Variants in CPEB3 observed in about 807,000 individuals in gnomAD.
CPEB3 encodes the protein cytoplasmic polyadenylation element binding protein 3, also known as cytoplasmic polyadenylation element-binding protein 3.
Under a neutral mutation model 67.2 loss-of-function variants are expected in CPEB3, and 20 were observed. That is an observed-to-expected ratio of 0.30 (90% CI 0.21 to 0.43). CPEB3 has a LOEUF of 0.43. CPEB3 is among the 20% of genes least tolerant of loss of function. The pLI, the probability that CPEB3 is intolerant of heterozygous loss-of-function variation, is 1.00. For missense variants in CPEB3, 746 were observed against 968.6 expected (o/e 0.77, Z 3.05); for synonymous variants, 376 against 393.1 (o/e 0.96, Z 0.51).
At chr10:92,260,539 A>G (rs1250606837) in intron 1 of CPEB3, among the ~76,000 whole-genome samples, 3 of 149,076 alleles carry the variant, frequency 2.0e-5, no homozygotes, top group African/African-American at 5.1e-5. Flanking sequence ...CAACAAGAGC[A>G]AAACTCCTTC....
At chr10:92,280,267 C>G (rs1416070254) in intron 1 of CPEB3, among the ~76,000 whole-genome samples, 1 of 142,312 alleles carries the variant, frequency 7.0e-6, no homozygotes, top group African/African-American at 2.7e-5. Context: ...ATCACTTGAA[C>G]CCAGGGCAGA....
intron 7 of CPEB3, among the ~76,000 whole-genome samples, chr10:92,100,276 G>A (rs866504676): frequency 4.6e-5 from 7 of 151,174 alleles, no homozygotes; most frequent in African/African-American, 1.7e-4. Flanking sequence ...GTTTTTTTTT[G>A]TTTGTTTGTT....
intron 1 of CPEB3, among the ~76,000 whole-genome samples, chr10:92,278,367 G>A (rs1842091347): frequency 6.6e-6 from 1 of 152,064 alleles, no homozygotes; most frequent in Non-Finnish European, 1.5e-5. Flanking sequence ...TAATGAACAT[G>A]AGATTCTTTC....
chr10:92,129,918 G>A (rs1196991745), intron 6 of CPEB3, among the ~76,000 whole-genome samples: 1 of 152,056 alleles, frequency 6.6e-6, no homozygotes, highest in African/African-American at 2.4e-5. Flanking sequence ...ATGGTAGTGA[G>A]TGCAGCTACT....
intron 2 of CPEB3, among the ~76,000 whole-genome samples, chr10:92,220,729 A>G (rs912735346): frequency 2.0e-5 from 3 of 152,236 alleles, no homozygotes; most frequent in African/African-American, 4.8e-5. Context: ...GATGTTAAAC[A>G]TCTTAAACAA....
chr10:92,063,883 G>C (rs1842452710), intron 9 of CPEB3, among the ~76,000 whole-genome samples: 1 of 152,000 alleles, frequency 6.6e-6, no homozygotes, highest in South Asian at 2.1e-4. Flanking sequence ...TAGACAAGCT[G>C]GAAAAAGAAG....
intron 1 of CPEB3, among the ~76,000 whole-genome samples, chr10:92,253,569 G>A (rs1852398645): frequency 6.7e-6 from 1 of 150,020 alleles, no homozygotes; most frequent in African/African-American, 2.5e-5. Flanking sequence ...CTTCCATAAA[G>A]TTTACAAAAA....
chr10:92,204,798 T>C (rs891472831), intron 2 of CPEB3, among the ~76,000 whole-genome samples: 4 of 150,866 alleles, frequency 2.7e-5, no homozygotes, highest in African/African-American at 4.9e-5. Flanking sequence ...ATAAACATAA[T>C]AGAATATTGT....
At chr10:92,112,273 T>G (rs1191910140) in intron 6 of CPEB3, among the ~76,000 whole-genome samples, 1 of 151,796 alleles carries the variant, frequency 6.6e-6, no homozygotes, top group Non-Finnish European at 1.5e-5. Context: ...GCCTCCCAAG[T>G]AGCTGGGATT....
chr10:92,164,182 CA>C (rs1308840138), intron 4 of CPEB3, among the ~76,000 whole-genome samples: 1 of 152,142 alleles, frequency 6.6e-6, no homozygotes, highest in East Asian at 1.9e-4. Context: ...TATCATTATA[CA>C]CATTTCCAGA....
chr10:92,154,061 A>G (rs1263866495), intron 4 of CPEB3, among the ~76,000 whole-genome samples: 3 of 152,248 alleles, frequency 2.0e-5, no homozygotes, highest in Non-Finnish European at 2.9e-5. Flanking sequence ...CTACTTATGG[A>G]CAATAGTTTC....
intron 2 of CPEB3, chr10:92,216,452 C>T (rs2134395943): frequency 4.3e-6 from 7 of 1,612,844 alleles, no homozygotes; most frequent in Non-Finnish European, 2.5e-6. Flanking sequence ...CCTGGCTTCT[C>T]GCCGCCTCAA....
chr10:92,184,809 A>G (rs1403832256), intron 3 of CPEB3, among the ~76,000 whole-genome samples: 2 of 152,200 alleles, frequency 1.3e-5, no homozygotes, highest in African/African-American at 4.8e-5. Context: ...ATTGGAGAAA[A>G]ATCACATAAT....
intron 1 of CPEB3, among the ~76,000 whole-genome samples, chr10:92,273,692 C>T (rs1025963871): frequency 6.6e-6 from 1 of 152,134 alleles, no homozygotes; most frequent in Non-Finnish European, 1.5e-5. Context: ...ATCAGATTGA[C>T]AAAAATTAAT....
chr10:92,243,667 C>T (rs1185294931), intron 1 of CPEB3, among the ~76,000 whole-genome samples: 2 of 152,128 alleles, frequency 1.3e-5, no homozygotes, highest in African/African-American at 4.8e-5. Context: ...GGGGGAACTA[C>T]TGGAGAATGT....
chr10:92,150,794 TAAGC>T (rs1415620212), intron 4 of CPEB3, among the ~76,000 whole-genome samples: 83 of 152,328 alleles, frequency 5.4e-4, no homozygotes, highest in African/African-American at 1.8e-3. Flanking sequence ...CAAAATGTGT[TAAGC>T]AAGCCACATT....
At chr10:92,216,049 A>T (rs1251695435) in intron 2 of CPEB3, among the ~76,000 whole-genome samples, 6 of 138,314 alleles carry the variant, frequency 4.3e-5, no homozygotes, top group Admixed American at 7.4e-5. Flanking sequence ...CGCCCAGCTC[A>T]TTTTTTTTTT....
chr10:92,144,709 T>C (rs1846597062), intron 5 of CPEB3, among the ~76,000 whole-genome samples: 1 of 152,242 alleles, frequency 6.6e-6, no homozygotes. Context: ...TTTCCTTATC[T>C]ATAAAATGGA....
chr10:92,174,802 T>C (rs911063890), intron 4 of CPEB3, among the ~76,000 whole-genome samples: 3 of 152,166 alleles, frequency 2.0e-5, no homozygotes, highest in Admixed American at 6.5e-5. Flanking sequence ...GGAAAAGGAA[T>C]GGCAGGAAAA....
Sources: allele counts gnomAD v4.1 joint callset (sites outside exome capture counted in the v4.1 genomes callset), GRCh38; gene constraint gnomAD v4.1.1; transcripts MANE v1.5; gene names NCBI Gene and HGNC (gene_info 2026-07-23, HGNC 2026-07-21).